The following ARL15 variants were observed in gnomAD, a reference collection of about 807,000 sequenced individuals.
ARL15 encodes the protein ARF like GTPase 15.
ARL15 carries 19 observed loss-of-function variants against 25.2 expected under a neutral mutation model. The observed-to-expected ratio is 0.75, with a 90% CI of 0.53 to 1.10. ARL15 has a LOEUF of 1.10. ARL15 is among the 50% of genes least tolerant of loss of function. The probability of loss-of-function intolerance (pLI) is 0.00; values close to 1 mark genes in which losing one functional copy is unlikely to be tolerated. For synonymous variants in ARL15, 94 were observed against 86.8 expected (o/e 1.08, Z -0.46); for missense variants, 220 against 246.0 (o/e 0.89, Z 0.71).
intron 1 of ARL15, among the ~76,000 whole-genome samples, chr5:54,206,306 C>T (rs1191584866): frequency 2.0e-5 from 3 of 152,114 alleles, no homozygotes; most frequent in African/African-American, 7.2e-5. Flanking sequence ...TGACTGAGTG[C>T]CCACCAGTGC....
At chr5:54,279,015 T>G (rs1277820744) in intron 1 of ARL15, among the ~76,000 whole-genome samples, 1 of 152,178 alleles carries the variant, frequency 6.6e-6, no homozygotes, top group Non-Finnish European at 1.5e-5. Context: ...TTTTTGCTCC[T>G]TAACTTCTAA....
At chr5:54,225,015 A>C (rs1253212406) in intron 1 of ARL15, among the ~76,000 whole-genome samples, 1 of 152,250 alleles carries the variant, frequency 6.6e-6, no homozygotes, top group Non-Finnish European at 1.5e-5. Context: ...ATAGTTACAT[A>C]GGTGAATTCT....
chr5:54,152,421 A>G (rs914111468), intron 3 of ARL15, among the ~76,000 whole-genome samples: 2 of 152,178 alleles, frequency 1.3e-5, no homozygotes, highest in African/African-American at 4.8e-5. Context: ...ATTTGAGGAA[A>G]TGACTTAGTG....
chr5:54,019,239 T>C (rs1408672747), intron 4 of ARL15, among the ~76,000 whole-genome samples: 1 of 152,138 alleles, frequency 6.6e-6, no homozygotes, highest in Non-Finnish European at 1.5e-5. Context: ...TGAAGGTTTT[T>C]CCAAGTGATT....
intron 1 of ARL15, among the ~76,000 whole-genome samples, chr5:54,240,044 G>A (rs535104822): frequency 1.3e-5 from 2 of 152,000 alleles, no homozygotes; most frequent in South Asian, 2.1e-4. Flanking sequence ...TGGCTAACAC[G>A]GTGAAACCCC....
intron 4 of ARL15, among the ~76,000 whole-genome samples, chr5:53,990,646 C>A (rs1020967484): frequency 2.1e-4 from 32 of 152,140 alleles, no homozygotes; most frequent in Non-Finnish European, 2.9e-5. Flanking sequence ...CATGGGAAAG[C>A]ATTTTCTGGA....
chr5:54,247,346 G>A (rs1482537458), intron 1 of ARL15, among the ~76,000 whole-genome samples: 6 of 151,910 alleles, frequency 3.9e-5, no homozygotes, highest in African/African-American at 1.4e-4. Context: ...TTTTGACAAT[G>A]TTCAGCCCCA....
In ARL15 at chr5:54,084,863, A is replaced by G. The variant is rs421472; in HGVS notation, c.462+28339T>C. ...GGTGTAATGGGAGTTGAAAAACATC[A>G]TCTTGGAACCTACTAAAGGGACAAA... On this transcript the variant is annotated intron_variant, in intron 4 of 4. Transcript: ENST00000504924. Among the ~76,000 whole-genome samples the G allele has an allele frequency of 5.6e-3, 858 of 152,300 alleles. 5 individuals are homozygous for G. The highest frequency in any genetic ancestry group is 0.02 in the African/African-American group (819 of 41,564).
At chr5:54,237,671 A>C (rs1316313166) in intron 1 of ARL15, among the ~76,000 whole-genome samples, 2 of 152,234 alleles carry the variant, frequency 1.3e-5, no homozygotes, top group Non-Finnish European at 2.9e-5. Context: ...CAGAGAATGC[A>C]AACTGTGTTT....
intron 4 of ARL15, among the ~76,000 whole-genome samples, chr5:54,081,780 T>A (rs576461399): frequency 6.6e-6 from 1 of 152,228 alleles, no homozygotes; most frequent in East Asian, 1.9e-4. Flanking sequence ...TACCCAGTCT[T>A]AGGCAGTTCT....
Position 53,947,170 on chromosome 5 carries a change from GTGTGTGTGTGTGTGTGTGT to G in ARL15, c.463-60476_463-60458del, listed in dbSNP as rs1746771648. On this transcript the variant is annotated intron_variant, in intron 4 of 4. Coordinates refer to ENST00000504924, the MANE Select transcript of ARL15 (RefSeq NM_019087.3). Reference sequence around the variant, plus strand: ...GCCAAAGAGAAAAATAAATAAGGGTGTGTGTGTGTGTGTGTGTGTGTGTGTGTGTGTGTGTGTGTGTGTG... The same window carrying G: ...GCCAAAGAGAAAAATAAATAAGGGTGGTGTGTGTGTGTGTGTGTGTGTGTG... Among the ~76,000 whole-genome samples, 6 of 45,434 alleles carry G rather than the reference GTGTGTGTGTGTGTGTGTGT, an allele frequency of 1.3e-4. No homozygotes were observed. The East Asian group carries it at 2.3e-3, about 18-fold the overall frequency. The allele number at this position is 45,434 out of a possible 152,430, so 29.8% of individuals were successfully genotyped here. A position where few individuals can be genotyped will look rare whatever the true frequency, so the allele number is the denominator to read the frequency against.
At chr5:54,196,584 T>C (rs1755555706) in intron 1 of ARL15, among the ~76,000 whole-genome samples, 1 of 152,230 alleles carries the variant, frequency 6.6e-6, no homozygotes, top group South Asian at 2.1e-4. Flanking sequence ...TAATTATTAT[T>C]TATGCCATAC....
chr5:54,305,744 G>GTC (rs748149070), intron 1 of ARL15, among the ~76,000 whole-genome samples: 5 of 151,982 alleles, frequency 3.3e-5, no homozygotes, highest in African/African-American at 9.7e-5. Flanking sequence ...TATGAATGTG[G>GTC]TCTCTCTCTC....
intron 4 of ARL15, among the ~76,000 whole-genome samples, chr5:54,007,310 G>A (rs1749078075): frequency 6.6e-6 from 1 of 152,092 alleles, no homozygotes; most frequent in Non-Finnish European, 1.5e-5. Context: ...TTTCAAGATG[G>A]ATAGCCAATG....
chr5:54,104,038 T>C (rs1265693757), intron 4 of ARL15, among the ~76,000 whole-genome samples: 1 of 152,156 alleles, frequency 6.6e-6, no homozygotes, highest in Non-Finnish European at 1.5e-5. Context: ...AATTACAGTA[T>C]ATAGTTTGTG....
intron 2 of ARL15, among the ~76,000 whole-genome samples, chr5:54,169,114 TAAA>T (rs1311319264): frequency 1.3e-5 from 2 of 152,128 alleles, no homozygotes; most frequent in East Asian, 3.8e-4. Context: ...AACGTATTAT[TAAA>T]AAATTTCATA....
chr5:53,993,484 A>G (rs1264070591), intron 4 of ARL15, among the ~76,000 whole-genome samples: 2 of 152,186 alleles, frequency 1.3e-5, no homozygotes, highest in Non-Finnish European at 2.9e-5. Flanking sequence ...TGATGATGAC[A>G]GTTTTGCAAT....
chr5:53,945,409 T>C (rs1208335973), intron 4 of ARL15, among the ~76,000 whole-genome samples: 1 of 152,192 alleles, frequency 6.6e-6, no homozygotes, highest in Non-Finnish European at 1.5e-5. Context: ...CATAATGTAA[T>C]CTTTGGTTCG....
intron 3 of ARL15, among the ~76,000 whole-genome samples, chr5:54,125,437 G>A (rs1011142015): frequency 1.3e-5 from 2 of 152,148 alleles, no homozygotes; most frequent in African/African-American, 2.4e-5. Flanking sequence ...GCTAGGAACC[G>A]AGACCCTCAG....
Sources: gnomAD v4.1 joint callset for allele counts (sites outside exome capture counted in the v4.1 genomes callset) on GRCh38, gnomAD v4.1.1 for gene constraint, MANE v1.5 for transcripts, NCBI Gene and HGNC (gene_info 2026-07-23, HGNC 2026-07-21) for gene names.